CACNA2D3: variants seen among roughly 807,000 people sequenced by gnomAD.
CACNA2D3 encodes voltage-dependent calcium channel subunit alpha-2/delta-3.
CACNA2D3 carries 60 observed loss-of-function variants against 160.6 expected under a neutral mutation model. The observed-to-expected ratio is 0.37, with a 90% CI of 0.30 to 0.46. The LOEUF (loss-of-function observed/expected upper bound fraction) is 0.46. Ranked by LOEUF, CACNA2D3 falls within the 20% of genes least tolerant of loss-of-function variation. The pLI is 1.00. For missense variants in CACNA2D3, 1,205 were observed against 1,365.0 expected (o/e 0.88, Z 1.85); for synonymous variants, 558 against 492.9 (o/e 1.13, Z -1.75).
intron 2 of CACNA2D3, among the ~76,000 whole-genome samples, chr3:54,312,819 T>A (rs1703770609): frequency 6.6e-6 from 1 of 152,126 alleles, no homozygotes; most frequent in Non-Finnish European, 1.5e-5. Flanking sequence ...ATGTCACAAA[T>A]GTGACACAGA....
At chr3:54,808,479 G>A (rs1703194097) in intron 13 of CACNA2D3, among the ~76,000 whole-genome samples, 1 of 152,126 alleles carries the variant, frequency 6.6e-6, no homozygotes, top group African/African-American at 2.4e-5. Flanking sequence ...GGAAAAGTGG[G>A]AGAGGGGTGT....
chr3:54,646,764 C>G (rs1056931069), intron 11 of CACNA2D3, among the ~76,000 whole-genome samples: 3 of 152,170 alleles, frequency 2.0e-5, no homozygotes, highest in African/African-American at 7.2e-5. Context: ...TTCCTTTGGG[C>G]ATATACCCAG....
At chr3:54,802,895 G>A (rs1481275797) in intron 13 of CACNA2D3, among the ~76,000 whole-genome samples, 3 of 152,182 alleles carry the variant, frequency 2.0e-5, no homozygotes, top group Non-Finnish European at 2.9e-5. Context: ...CAGCATTCGC[G>A]ATTCACGAAA....
intron 14 of CACNA2D3, among the ~76,000 whole-genome samples, chr3:54,827,002 A>T (rs1433493531): frequency 6.6e-6 from 1 of 152,104 alleles, no homozygotes; most frequent in East Asian, 1.9e-4. Context: ...GCCTCCAAGA[A>T]CTCTAAGGAC....
At chr3:54,822,832 T>TTTTCTTTCTTTCTTTCTTTCTTTCTTTC (rs60981421) in intron 14 of CACNA2D3, among the ~76,000 whole-genome samples, 1 of 57,978 alleles carries the variant, frequency 1.7e-5, no homozygotes, top group African/African-American at 8.7e-5. Context: ...TCTTTCTTTC[T>TTTTCTTTCTTTCTTTCTTTCTTTCTTTC]TTTCTTTCTT....
intron 4 of CACNA2D3, among the ~76,000 whole-genome samples, chr3:54,391,461 CAG>C (rs1699279046): frequency 6.6e-6 from 1 of 151,828 alleles, no homozygotes. Flanking sequence ...CCATAGAAAA[CAG>C]ATGTGCTTGG....
chr3:54,122,686 G>C lies in CACNA2D3; in HGVS notation c.-28G>C, dbSNP rs865930120. On this transcript the variant is annotated 5_prime_UTR_variant, in exon 1 of 38. Transcript: ENST00000474759. ...CCCCGCGGCCGCTCTCGTCGCCGCC[G>C]CAGCGGGCGCGTCGGAGGGAGCCCA... 230 of 1,100,060 alleles carry C rather than the reference G, an allele frequency of 2.1e-4. No individual in the cohort carries two copies. In the Middle Eastern group the frequency reaches 2.7e-3, roughly 13 times the overall value. The allele number at this position is 1,100,060 out of a possible 1,614,324, so 68.1% of individuals were successfully genotyped here. A position where few individuals can be genotyped will look rare whatever the true frequency, so the allele number is the denominator to read the frequency against.
intron 11 of CACNA2D3, among the ~76,000 whole-genome samples, chr3:54,751,866 G>A (rs577453483): frequency 2.0e-5 from 3 of 152,162 alleles, no homozygotes; most frequent in African/African-American, 7.2e-5. Flanking sequence ...TGAATTAAAG[G>A]ATTTTAACCT....
chr3:54,428,010 A>T (rs749293553), intron 4 of CACNA2D3, among the ~76,000 whole-genome samples: 19 of 152,204 alleles, frequency 1.2e-4, no homozygotes, highest in Non-Finnish European at 2.1e-4. Flanking sequence ...TTTTCACTGT[A>T]TCAAACCCAA....
intron 2 of CACNA2D3, among the ~76,000 whole-genome samples, chr3:54,313,948 A>G (rs1227821398): frequency 1.5e-5 from 2 of 133,732 alleles, no homozygotes; most frequent in Non-Finnish European, 3.4e-5. Context: ...GTTTGGTTAC[A>G]TGAGTGTGTT....
intron 4 of CACNA2D3, among the ~76,000 whole-genome samples, chr3:54,452,623 G>A (rs1336307894): frequency 6.6e-6 from 1 of 152,122 alleles, no homozygotes; most frequent in Non-Finnish European, 1.5e-5. Context: ...ACATGTTTAG[G>A]TACTTGTCAC....
rs1701982399 is a variant in CACNA2D3, at chr3:54,959,582, A to C, written c.2450-8868A>C. On this transcript the variant is annotated intron_variant, in intron 27 of 37. Coordinates refer to ENST00000474759, the MANE Select transcript of CACNA2D3 (RefSeq NM_018398.3). ...CAATTTTGTTATGGTCTCTTTAGTA[A>C]CTGTTATTAGGTGGTGACCTAATAA... 1.3e-5 allele frequency among the ~76,000 whole-genome samples: 2 copies of C among 152,184 alleles called. 1 individual carries two copies. Among genetic ancestry groups the C allele is most frequent in the South Asian group, 4.1e-4 (2 of 4,828 alleles).
chr3:55,066,715 T>G (rs996087954), intron 35 of CACNA2D3, among the ~76,000 whole-genome samples: 1 of 152,220 alleles, frequency 6.6e-6, no homozygotes, highest in Non-Finnish European at 1.5e-5. Context: ...GTTCTGGCAA[T>G]GGACACATCA....
intron 9 of CACNA2D3, among the ~76,000 whole-genome samples, chr3:54,587,986 A>T (rs1345219800): frequency 6.6e-6 from 1 of 152,226 alleles, no homozygotes; most frequent in Non-Finnish European, 1.5e-5. Flanking sequence ...TTATAAGGCT[A>T]GCGTTTCCCT....
intron 30 of CACNA2D3, among the ~76,000 whole-genome samples, chr3:54,987,034 C>T (rs1167008930): frequency 1.3e-5 from 2 of 152,182 alleles, no homozygotes; most frequent in Non-Finnish European, 2.9e-5. Context: ...GACTGCAAAG[C>T]TTCGAATGAC....
intron 17 of CACNA2D3, among the ~76,000 whole-genome samples, chr3:54,855,408 C>T (rs180889213): frequency 5.9e-5 from 9 of 152,324 alleles, no homozygotes. Flanking sequence ...CCTGCCCAGG[C>T]CTTTCCAAGA....
At chr3:54,482,512 G>A (rs1448376518) in intron 4 of CACNA2D3, among the ~76,000 whole-genome samples, 1 of 152,168 alleles carries the variant, frequency 6.6e-6, no homozygotes, top group Non-Finnish European at 1.5e-5. Context: ...TTTTATAAAA[G>A]ACTAATGCCC....
At chr3:54,218,644 C>G (rs1269766038) in intron 2 of CACNA2D3, among the ~76,000 whole-genome samples, 1 of 152,180 alleles carries the variant, frequency 6.6e-6, no homozygotes, top group Admixed American at 6.5e-5. Context: ...TATCACAAAC[C>G]TAGTGGCTTA....
At chr3:54,489,699 G>A (rs1358015482) in intron 4 of CACNA2D3, among the ~76,000 whole-genome samples, 1 of 152,214 alleles carries the variant, frequency 6.6e-6, no homozygotes, top group Non-Finnish European at 1.5e-5. Flanking sequence ...AATGCCCAGT[G>A]GCCAGCGAGG....
Sources: allele counts gnomAD v4.1 joint callset (sites outside exome capture counted in the v4.1 genomes callset), GRCh38; gene constraint gnomAD v4.1.1; transcripts MANE v1.5; gene names NCBI Gene and HGNC (gene_info 2026-07-23, HGNC 2026-07-21).